CLNK: variants seen among roughly 807,000 people sequenced by gnomAD.
CLNK encodes the protein cytokine dependent hematopoietic cell linker.
In CLNK, 74 loss-of-function variants were observed where a neutral mutation model predicts 68.6. The observed-to-expected ratio is 1.08, with a 90% CI of 0.89 to 1.31. The LOEUF (loss-of-function observed/expected upper bound fraction) is 1.31, where lower values mean the gene tolerates loss of function less well. Among genes scored for constraint, CLNK ranks in the 50% most tolerant of loss-of-function variants. The pLI, the probability that CLNK is intolerant of heterozygous loss-of-function variation, is 0.00. For missense variants in CLNK, 553 were observed against 515.3 expected, an observed-to-expected ratio of 1.07 and a Z score of -0.71; for synonymous variants, 198 against 172.2, an observed-to-expected ratio of 1.15 and a Z score of -1.17.
At position 10,540,484 on chromosome 4, in the gene CLNK, A is replaced by C; in HGVS notation, c.602+10T>G. 1.9e-6 allele frequency: 3 copies of C among 1,588,626 alleles called. No individual in the cohort carries two copies. The highest frequency in any genetic ancestry group is 2.6e-6 in the Non-Finnish European group (3 of 1,156,920). Reference sequence around the variant, plus strand: ...GCTGGTCATTTCACCATTGATGATGAATCTCTCACCTGGGCATTCTCTGGA... The same window carrying C: ...GCTGGTCATTTCACCATTGATGATGCATCTCTCACCTGGGCATTCTCTGGA... On this transcript the variant is annotated intron_variant, in intron 11 of 18. Coordinates refer to ENST00000226951, the MANE Select transcript of CLNK (RefSeq NM_052964.4).
At chr4:10,539,634 T>G (rs554078383) in intron 11 of CLNK, among the ~76,000 whole-genome samples, 52 of 152,242 alleles carry the variant, frequency 3.4e-4, no homozygotes, top group South Asian at 8.3e-4. Flanking sequence ...GTTTGTCACA[T>G]TCTGTGATTA....
intron 10 of CLNK, among the ~76,000 whole-genome samples, chr4:10,541,180 C>T (rs1718999503): frequency 6.8e-6 from 1 of 147,482 alleles, no homozygotes; most frequent in African/African-American, 2.5e-5. Context: ...CACCACCTCA[C>T]TCCAGCCTGG....
chr4:10,530,407 G>A (rs1354262944), intron 12 of CLNK, among the ~76,000 whole-genome samples: 1 of 152,212 alleles, frequency 6.6e-6, no homozygotes, highest in Non-Finnish European at 1.5e-5. Flanking sequence ...CACAAGCACA[G>A]CTTGCCCTGA....
chr4:10,565,969 A>G, intron 6 of CLNK, 40 bp downstream of exon 6: 1 of 1,601,124 alleles, frequency 6.2e-7, no homozygotes, highest in Non-Finnish European at 8.5e-7. Context: ...GGTGGCATGT[A>G]CATGCATCTT....
In CLNK at chr4:10,507,942, C is replaced by T. The variant is rs774754437; in HGVS notation, c.984+17G>A. 6 of 1,581,376 alleles carry T rather than the reference C, an allele frequency of 3.8e-6. No homozygotes were observed. The highest frequency in any genetic ancestry group is 4.3e-6 in the Non-Finnish European group (5 of 1,158,832). ...GCCTATAGAAACAATAATGATGGGC[C>T]ACGTAGAAGGCATTACCTTGTTCTC... On this transcript the variant is annotated intron_variant, in intron 17 of 18. Coordinates refer to ENST00000226951, the MANE Select transcript of CLNK (RefSeq NM_052964.4).
intron 2 of CLNK, among the ~76,000 whole-genome samples, chr4:10,666,296 A>G (rs1297412036): frequency 6.6e-6 from 1 of 152,208 alleles, no homozygotes; most frequent in Non-Finnish European, 1.5e-5. Flanking sequence ...ACACTAATAC[A>G]CCTGCTGTGC....
chr4:10,527,877 AC>A (rs1718385563), intron 13 of CLNK, among the ~76,000 whole-genome samples, 198 bp downstream of exon 13: 3 of 152,078 alleles, frequency 2.0e-5, no homozygotes, highest in Admixed American at 6.5e-5. Context: ...GATTTAAATC[AC>A]CCTGTTTAGA....
intron 18 of CLNK, among the ~76,000 whole-genome samples, chr4:10,494,387 T>C (rs551397545): frequency 6.6e-6 from 1 of 152,332 alleles, no homozygotes; most frequent in South Asian, 2.1e-4. Flanking sequence ...ATGGATGACA[T>C]TTCATATGAA....
At chr4:10,530,360 T>C (rs1718486007) in intron 12 of CLNK, among the ~76,000 whole-genome samples, 1 of 152,172 alleles carries the variant, frequency 6.6e-6, no homozygotes, top group Non-Finnish European at 1.5e-5. Context: ...AAGATTCTAG[T>C]CCACAAGACA....
chr4:10,710,353 C>T, the CLNK span, among the ~76,000 whole-genome samples: 1 of 151,884 alleles, frequency 6.6e-6, no homozygotes, highest in Non-Finnish European at 1.5e-5. Flanking sequence ...TGGGGTCCTT[C>T]AATCACAATT....
At chr4:10,689,745 A>ATTGTTTTTTTTTTTTTTTTTT (rs1725395782), upstream of CLNK, among the ~76,000 whole-genome samples, 1 of 100,094 alleles carries the variant, frequency 1.0e-5, no homozygotes, top group Non-Finnish European at 2.0e-5. Flanking sequence ...AAACCCATGC[A>ATTGTTTTTTTTTTTTTTTTTT]TTTTTTTTTT....
At chr4:10,671,604 T>C (rs1003026455) in intron 1 of CLNK, among the ~76,000 whole-genome samples, 2 of 152,190 alleles carry the variant, frequency 1.3e-5, no homozygotes, top group African/African-American at 2.4e-5. Flanking sequence ...AAGAGTCTTA[T>C]GTCCCCTGGC....
intron 15 of CLNK, among the ~76,000 whole-genome samples, chr4:10,520,116 T>C (rs1192106053): frequency 6.7e-6 from 1 of 149,882 alleles, no homozygotes; most frequent in Non-Finnish European, 1.5e-5. Context: ...GCACACAGAG[T>C]GAAAAAAGGA....
intron 14 of CLNK, among the ~76,000 whole-genome samples, chr4:10,523,299 T>A (rs1718157764): frequency 6.6e-6 from 1 of 152,202 alleles, no homozygotes; most frequent in South Asian, 2.1e-4. Flanking sequence ...TGTGAGTCTG[T>A]GCTGCCTGGG....
chr4:10,525,994 G>A, intron 13 of CLNK, 72 bp from the exon 14 acceptor site: 1 of 819,368 alleles, frequency 1.2e-6, no homozygotes, highest in Non-Finnish European at 2.0e-6. Flanking sequence ...GAAGCCCACT[G>A]GAACTACTAT....
chr4:10,593,752 G>A (rs1721277754), intron 3 of CLNK, among the ~76,000 whole-genome samples: 1 of 152,212 alleles, frequency 6.6e-6, no homozygotes, highest in Non-Finnish European at 1.5e-5. Flanking sequence ...AATTATGGCT[G>A]CCTGCACTTT....
intron 4 of CLNK, among the ~76,000 whole-genome samples, chr4:10,576,054 T>C (rs1467872855): frequency 6.6e-6 from 1 of 152,224 alleles, no homozygotes; most frequent in Non-Finnish European, 1.5e-5. Context: ...GTAGCAGAGA[T>C]GGGCATATGG....
intron 4 of CLNK, among the ~76,000 whole-genome samples, chr4:10,575,011 C>T (rs541142140): frequency 6.6e-6 from 1 of 152,254 alleles, no homozygotes; most frequent in East Asian, 1.9e-4. Flanking sequence ...TGCCAAAACT[C>T]CTGGCAGAAT....
chr4:10,665,372 TA>T (rs1214872275), intron 2 of CLNK, among the ~76,000 whole-genome samples: 1 of 152,108 alleles, frequency 6.6e-6, no homozygotes, highest in Non-Finnish European at 1.5e-5. Flanking sequence ...GTGGAATCAT[TA>T]AAAGACATAG....
Sources: gnomAD v4.1 joint callset for allele counts (sites outside exome capture counted in the v4.1 genomes callset) on GRCh38, gnomAD v4.1.1 for gene constraint, MANE v1.5 for transcripts, NCBI Gene and HGNC (gene_info 2026-07-23, HGNC 2026-07-21) for gene names.